Variants in FLACC1 observed in about 807,000 individuals in gnomAD.
FLACC1 encodes flagellum associated containing coiled-coil domains 1.
A neutral mutation model predicts 62.8 loss-of-function variants in FLACC1; 66 were observed. That is an observed-to-expected ratio of 1.05 (90% CI 0.86 to 1.29). The LOEUF is 1.29. FLACC1 is among the 50% of genes most tolerant of loss of function. The pLI is 0.00. For synonymous variants in FLACC1, 156 were observed against 161.0 expected (o/e 0.97, Z 0.24); for missense variants, 452 against 489.1 (o/e 0.92, Z 0.71).
chr2:201,305,334 TG>T (rs1251141225), intron 11 of FLACC1, among the ~76,000 whole-genome samples: 1 of 151,978 alleles, frequency 6.6e-6, no homozygotes, highest in African/African-American at 2.4e-5. Flanking sequence ...CACGAAAAAA[TG>T]TTCATCATCA....
At chr2:201,291,368 C>T (rs1356641415) in intron 12 of FLACC1, among the ~76,000 whole-genome samples, 2 of 152,224 alleles carry the variant, frequency 1.3e-5, no homozygotes, top group East Asian at 3.8e-4. Context: ...TGCTGTTCAC[C>T]AATATCTGCT....
upstream of FLACC1, among the ~76,000 whole-genome samples, chr2:201,361,360 G>A (rs1951184744): frequency 6.6e-6 from 1 of 152,206 alleles, no homozygotes; most frequent in Non-Finnish European, 1.5e-5. Context: ...TAAGGTAAGA[G>A]GAAAGGTAAC....
In FLACC1 at chr2:201,289,579, C is replaced by G; in HGVS notation, c.1033-13G>C. 1 of 1,613,842 alleles carries G rather than the reference C, an allele frequency of 6.2e-7. No homozygotes were observed. Among genetic ancestry groups the G allele is most frequent in the Non-Finnish European group, 8.5e-7 (1 of 1,179,766 alleles). ...CCACTATAGCTTTCTGAAAGACATACATTTTAATAGCCATCTTCCCCAACC... is the reference window on the plus strand; with the variant it reads ...CCACTATAGCTTTCTGAAAGACATAGATTTTAATAGCCATCTTCCCCAACC... On this transcript the variant is annotated splice_polypyrimidine_tract_variant and intron_variant, in intron 13 of 14. Transcript: ENST00000392257.
rs1950503786 is a variant in FLACC1, at chr2:201,326,542, C to T, written c.675+3928G>A. ...CGCTAACAACGACCAAGCTGAGAATCAAAAAAAGAACTGATACCCTTTTAC... is the reference window on the plus strand; with the variant it reads ...CGCTAACAACGACCAAGCTGAGAATTAAAAAAAGAACTGATACCCTTTTAC... On this transcript the variant is annotated intron_variant, in intron 9 of 14. Coordinates refer to ENST00000392257, the MANE Select transcript of FLACC1 (RefSeq NM_001127391.3). The surrounding 1 kb of genome is among the most constrained non-coding windows in gnomAD (Gnocchi z 4.1). 6.6e-6 allele frequency among the ~76,000 whole-genome samples: 1 copy of T among 151,570 alleles called. No individual in the cohort carries two copies. Among genetic ancestry groups the T allele is most frequent in the Non-Finnish European group, 1.5e-5 (1 of 67,880 alleles).
chr2:201,364,062 T>C, the FLACC1 span, among the ~76,000 whole-genome samples: 1 of 152,172 alleles, frequency 6.6e-6, no homozygotes. Context: ...ACAGAGCTTT[T>C]CCCCATAAAC....
At chr2:201,338,384 C>T (rs1233272003) in intron 7 of FLACC1, among the ~76,000 whole-genome samples, 1 of 151,994 alleles carries the variant, frequency 6.6e-6, no homozygotes, top group Non-Finnish European at 1.5e-5. Context: ...AATTTGGATG[C>T]CTTTTATTTT....
intron 1 of FLACC1, among the ~76,000 whole-genome samples, chr2:201,354,917 T>G (rs973365140): frequency 6.6e-6 from 1 of 152,196 alleles, no homozygotes; most frequent in African/African-American, 2.4e-5. Context: ...CAACGGGCAT[T>G]TGATGAATAT....
chr2:201,317,482 A>G (rs745916359), intron 9 of FLACC1, among the ~76,000 whole-genome samples: 9 of 152,190 alleles, frequency 5.9e-5, no homozygotes, highest in Non-Finnish European at 1.3e-4. Flanking sequence ...TGTTTGGACT[A>G]TACCTAACCA....
At chr2:201,315,710 G>C (rs1339638437) in intron 9 of FLACC1, among the ~76,000 whole-genome samples, 2 of 152,050 alleles carry the variant, frequency 1.3e-5, no homozygotes, top group Admixed American at 6.6e-5. Flanking sequence ...ATGGACTTAA[G>C]AGATATTTAC....
intron 7 of FLACC1, among the ~76,000 whole-genome samples, chr2:201,333,198 C>A (rs1471661804): frequency 6.6e-6 from 1 of 152,152 alleles, no homozygotes; most frequent in East Asian, 1.9e-4. Context: ...TCCCTTTTCT[C>A]CACATCTTCA....
rs140450755 is a variant in FLACC1, at chr2:201,356,656, G to A, written c.-48+326C>T. ...TAGATTTTTTAAATTATTTGCATAA[G>A]TGAGAGCATACTTTGCACACAATGT... On this transcript the variant is annotated intron_variant, in intron 1 of 14. Coordinates refer to ENST00000392257, the MANE Select transcript of FLACC1 (RefSeq NM_001127391.3). Among the ~76,000 whole-genome samples the A allele has an allele frequency of 4.5e-3, 678 of 152,318 alleles. 4 individuals are homozygous for A. The highest frequency in any genetic ancestry group is 0.015 in the African/African-American group (631 of 41,566).
Position 201,326,994 on chromosome 2 carries a change from G to A in FLACC1, c.675+3476C>T, listed in dbSNP as rs1281491285. 6.6e-6 allele frequency among the ~76,000 whole-genome samples: 1 copy of A among 152,130 alleles called. No homozygotes were observed. Among genetic ancestry groups the A allele is most frequent in the Non-Finnish European group, 1.5e-5 (1 of 68,006 alleles). Reference sequence around the variant, plus strand: ...AGTAGGCACATAGGCCAAGGAAACAGAACAGAAAACCCAGAAATGAAGCCA... The same window carrying A: ...AGTAGGCACATAGGCCAAGGAAACAAAACAGAAAACCCAGAAATGAAGCCA... On this transcript the variant is annotated intron_variant, in intron 9 of 14. Coordinates refer to ENST00000392257, the MANE Select transcript of FLACC1 (RefSeq NM_001127391.3). The surrounding 1 kb of genome is among the most constrained non-coding windows in gnomAD (Gnocchi z 4.1).
chr2:201,292,510 G>A (rs1463517735), intron 12 of FLACC1, among the ~76,000 whole-genome samples: 1 of 152,176 alleles, frequency 6.6e-6, no homozygotes, highest in Admixed American at 6.5e-5. Flanking sequence ...TGCCTTAAAA[G>A]AGCTCCTGAA....
the FLACC1 span, among the ~76,000 whole-genome samples, chr2:201,362,478 C>T: frequency 6.6e-6 from 1 of 151,918 alleles, no homozygotes; most frequent in African/African-American, 2.4e-5. Flanking sequence ...TGAAGGACAC[C>T]CCAGATGCCA....
chr2:201,325,197 C>T (rs763389543), intron 9 of FLACC1, among the ~76,000 whole-genome samples: 1 of 152,038 alleles, frequency 6.6e-6, no homozygotes, highest in Non-Finnish European at 1.5e-5. Context: ...GTTTATAGTG[C>T]TAAACGCCTG....
chr2:201,304,713 T>C (rs1950064224), intron 11 of FLACC1, among the ~76,000 whole-genome samples: 2 of 152,168 alleles, frequency 1.3e-5, no homozygotes, highest in Non-Finnish European at 2.9e-5. Context: ...CAAAACAGCA[T>C]GGTACTGGTA....
chr2:201,326,249 C>T lies in FLACC1; in HGVS notation c.675+4221G>A, dbSNP rs1013382440. 5.3e-5 allele frequency among the ~76,000 whole-genome samples: 8 copies of T among 152,064 alleles called. No homozygotes were observed. Among genetic ancestry groups the T allele is most frequent in the Middle Eastern group, 3.2e-3 (1 of 316 alleles). ...AGTTGAAAGCATTCCCCTTGAGAAC[C>T]GGAACAAGACAAGATGGCCACCTTC... On this transcript the variant is annotated intron_variant, in intron 9 of 14. Coordinates refer to ENST00000392257, the MANE Select transcript of FLACC1 (RefSeq NM_001127391.3). The surrounding 1 kb of genome is among the most constrained non-coding windows in gnomAD (Gnocchi z 4.1).
At chr2:201,323,376 C>G (rs1950440331) in intron 9 of FLACC1, among the ~76,000 whole-genome samples, 1 of 152,186 alleles carries the variant, frequency 6.6e-6, no homozygotes, top group South Asian at 2.1e-4. Flanking sequence ...GAAAACCTAT[C>G]TGAATAACAG....
chr2:201,318,383 C>T (rs1302888242), intron 9 of FLACC1, among the ~76,000 whole-genome samples: 13 of 152,102 alleles, frequency 8.5e-5, no homozygotes, highest in African/African-American at 2.9e-4. Context: ...CTACAACAAA[C>T]TAAAACAAAT....
Sources: allele counts gnomAD v4.1 joint callset (sites outside exome capture counted in the v4.1 genomes callset), GRCh38; gene constraint gnomAD v4.1.1; non-coding constraint Gnocchi (gnomAD v3.1); transcripts MANE v1.5; gene names NCBI Gene and HGNC (gene_info 2026-07-23, HGNC 2026-07-21).